Variants in ARFGEF2 observed in about 807,000 individuals in gnomAD.
The protein encoded by ARFGEF2 is brefeldin A-inhibited guanine nucleotide-exchange protein 2.
In ARFGEF2, 74 loss-of-function variants were observed where a neutral mutation model predicts 219.9. The observed-to-expected ratio is 0.34, with a 90% CI of 0.28 to 0.41. ARFGEF2 has a LOEUF of 0.41. Among genes scored for constraint, ARFGEF2 ranks in the 10% least tolerant of loss-of-function variants. The pLI is 1.00. For synonymous variants in ARFGEF2, 733 were observed against 799.2 expected, an observed-to-expected ratio of 0.92 and a Z score of 1.40; for missense variants, 1,743 against 2,218.3, an observed-to-expected ratio of 0.79 and a Z score of 4.30.
In ARFGEF2 at chr20:49,016,434, G is replaced by A. The variant is rs750978690; in HGVS notation, c.4315+19G>A. The A allele has an allele frequency of 2.5e-6, 4 of 1,608,962 alleles. No homozygotes were observed. Among genetic ancestry groups the A allele is most frequent in the African/African-American group, 1.3e-5 (1 of 74,962 alleles). ...AAACAAGGTACTCTTTAAGCCTCTA[G>A]GCATCATTTTTCTTACATAGTCTTT... On this transcript the variant is annotated intron_variant, in intron 31 of 38. Transcript: ENST00000371917.
intron 21 of ARFGEF2, among the ~76,000 whole-genome samples, chr20:48,993,562 ACTGAAGTTCAGT>A (rs1338792394): frequency 6.6e-6 from 1 of 152,180 alleles, no homozygotes; most frequent in African/African-American, 2.4e-5. Context: ...AAAAAGCAAC[ACTGAAGTTCAGT>A]CAGAAGTTCC....
chr20:48,961,165 A>G (rs1422472033), intron 6 of ARFGEF2, among the ~76,000 whole-genome samples: 1 of 151,112 alleles, frequency 6.6e-6, no homozygotes. Context: ...TTTTTACCTT[A>G]TAAACAATTT....
At chr20:48,994,396 C>T in intron 21 of ARFGEF2, 55 bp from the exon 22 acceptor site, 4 of 1,606,742 alleles carry the variant, frequency 2.5e-6, no homozygotes, top group Non-Finnish European at 3.4e-6. Flanking sequence ...GATTACAGTG[C>T]CCTTTTTCTA....
Sources: allele counts gnomAD v4.1 joint callset (sites outside exome capture counted in the v4.1 genomes callset), GRCh38; gene constraint gnomAD v4.1.1; transcripts MANE v1.5; gene names NCBI Gene and HGNC (gene_info 2026-07-23, HGNC 2026-07-21).